The following CUL5 variants were observed in gnomAD, a reference collection of about 807,000 sequenced individuals.
The protein encoded by CUL5 is cullin 5, also known as cullin-5.
A neutral mutation model predicts 108.8 loss-of-function variants in CUL5; 26 were observed. The observed-to-expected ratio is 0.24, with a 90% confidence interval of 0.18 to 0.33. The LOEUF is 0.33. Ranked by LOEUF, CUL5 falls within the 10% of genes least tolerant of loss-of-function variation. CUL5 has a pLI of 1.00. For missense variants in CUL5, 524 were observed against 909.2 expected, an observed-to-expected ratio of 0.58 and a Z score of 5.45; for synonymous variants, 334 against 298.0, an observed-to-expected ratio of 1.12 and a Z score of -1.25.
At chr11:108,033,712 C>A in intron 1 of CUL5, 90 bp from the exon 2 acceptor site, 1 of 753,984 alleles carries the variant, frequency 1.3e-6, no homozygotes, top group Non-Finnish European at 2.2e-6. Context: ...TTGAGCCCTT[C>A]ATTTCTCTAG....
At chr11:108,015,627 G>C (rs1862165865) in intron 1 of CUL5, among the ~76,000 whole-genome samples, 1 of 152,162 alleles carries the variant, frequency 6.6e-6, no homozygotes, top group Admixed American at 6.5e-5. Context: ...AATTTCAAGG[G>C]TGTCTGTGTT....
chr11:108,045,783 C>G (rs1200394768), intron 2 of CUL5, among the ~76,000 whole-genome samples: 1 of 152,052 alleles, frequency 6.6e-6, no homozygotes, highest in Admixed American at 6.5e-5. Context: ...TCGCCTCAAC[C>G]CAGGAGGTCA....
At chr11:108,044,679 C>T (rs1450387134) in intron 2 of CUL5, among the ~76,000 whole-genome samples, 3 of 151,108 alleles carry the variant, frequency 2.0e-5, no homozygotes, top group Non-Finnish European at 4.4e-5. Context: ...TGACCCTGTC[C>T]TTTCGTTGTT....
intron 15 of CUL5, 104 bp downstream of exon 15, chr11:108,095,091 T>A: frequency 2.1e-6 from 2 of 960,382 alleles, no homozygotes; most frequent in Non-Finnish European, 3.0e-6. Context: ...CTCTCACATG[T>A]AAAAGTTTGA....
In CUL5 at chr11:108,072,407, A is replaced by G. The variant is rs1256116212; in HGVS notation, c.950A>G (p.His317Arg). 6.2e-7 allele frequency: 1 copy of G among 1,613,216 alleles called. No individual in the cohort carries two copies. Among genetic ancestry groups the G allele is most frequent in the Non-Finnish European group, 8.5e-7 (1 of 1,179,426 alleles). Residue 317 changes from histidine (H) to arginine (R), a missense_variant, in exon 9 of 19, where the codon CAT (histidine) becomes CGT (arginine). Coordinates refer to ENST00000393094, the MANE Select transcript of CUL5 (RefSeq NM_003478.6). ...IEPMLKDLEE[H>R]IISAGLADMV... ...CCAATGTTGAAAGACTTGGAGGAACATATCATTAGTGCTGGCCTGGCAGAT... is the reference window on the plus strand; with the variant it reads ...CCAATGTTGAAAGACTTGGAGGAACGTATCATTAGTGCTGGCCTGGCAGAT...
At chr11:108,075,567 G>A (rs1285779292) in intron 10 of CUL5, among the ~76,000 whole-genome samples, 1 of 152,164 alleles carries the variant, frequency 6.6e-6, no homozygotes, top group Non-Finnish European at 1.5e-5. Flanking sequence ...AGGGAAGTTC[G>A]CTGTGTCGCC....
chr11:108,034,626 GAT>G lies in CUL5; in HGVS notation c.134+716_134+717del, dbSNP rs373900479. Among the ~76,000 whole-genome samples, 14 of 152,314 alleles carry G rather than the reference GAT, an allele frequency of 9.2e-5. No individual in the cohort carries two copies. In the South Asian group the frequency reaches 2.9e-3, roughly 32 times the overall value. ...GCAGCTTGGAAAGGGAACCCTGAGA[GAT>G]TTCCTTTAGGAAAAGGGGGAAAGCT... is the stretch of plus-strand genomic sequence containing the variant. On this transcript the variant is annotated intron_variant, in intron 2 of 18. Coordinates refer to ENST00000393094, the MANE Select transcript of CUL5 (RefSeq NM_003478.6).
intron 5 of CUL5, among the ~76,000 whole-genome samples, chr11:108,053,149 G>C (rs1863278566): frequency 6.6e-6 from 1 of 152,170 alleles, no homozygotes; most frequent in South Asian, 2.1e-4. Flanking sequence ...ATGAAAAGGA[G>C]AGCATGTAGG....
chr11:108,041,835 A>G (rs1197621353), intron 2 of CUL5, among the ~76,000 whole-genome samples: 3 of 151,972 alleles, frequency 2.0e-5, no homozygotes, highest in Non-Finnish European at 4.4e-5. Context: ...CAGGTGATCC[A>G]CCTGCCTCGG....
At chr11:108,087,289 C>T (rs1026068148) in intron 11 of CUL5, among the ~76,000 whole-genome samples, 2 of 152,280 alleles carry the variant, frequency 1.3e-5, no homozygotes, top group African/African-American at 2.4e-5. Context: ...TAAAATTTTA[C>T]ATATGCATAT....
At chr11:108,010,999 AAAAAG>A (rs1444877513) in intron 1 of CUL5, among the ~76,000 whole-genome samples, 2 of 152,238 alleles carry the variant, frequency 1.3e-5, no homozygotes, top group African/African-American at 2.4e-5. Context: ...CTCTAAATGA[AAAAAG>A]AAAAGGAAAG....
intron 3 of CUL5, among the ~76,000 whole-genome samples, chr11:108,049,043 G>A (rs949458065): frequency 2.0e-5 from 3 of 152,056 alleles, no homozygotes; most frequent in Non-Finnish European, 4.4e-5. Context: ...ATGATTCAGT[G>A]GGTTGTAGTA....
intron 7 of CUL5, among the ~76,000 whole-genome samples, chr11:108,058,572 T>G (rs1310153127): frequency 6.6e-6 from 1 of 151,592 alleles, no homozygotes; most frequent in Non-Finnish European, 1.5e-5. Flanking sequence ...TTTTTTTAAA[T>G]GAAGTAAGAG....
chr11:108,050,051 C>T lies in CUL5; in HGVS notation c.396C>T (p.Asp132=). 6.2e-7 allele frequency: 1 copy of T among 1,603,560 alleles called. No individual in the cohort carries two copies. Among genetic ancestry groups the T allele is most frequent in the Non-Finnish European group, 8.5e-7 (1 of 1,175,842 alleles). Residue 132 remains aspartate (D), a synonymous_variant, in exon 4 of 19, where the codon GAC becomes GAT. Coordinates refer to ENST00000393094, the MANE Select transcript of CUL5 (RefSeq NM_003478.6). ...QGSNKKSNVE[D]SIVRKLMLDT... ...GCAATAAAAAATCAAATGTGGAAGA[C>T]AGTATTGTTCGAAAGGTAAGACTAT...
Position 108,095,667 on chromosome 11 carries a change from T to C in CUL5, c.1881T>C (p.Asp627=). The C allele has an allele frequency of 1.2e-6, 2 of 1,613,538 alleles. No individual in the cohort carries two copies. The highest frequency in any genetic ancestry group is 1.1e-5 in the South Asian group (1 of 90,900). ...TTAAGCTTGCAACTGAACTCCCTGA[T>C]GCTGAACTTAGGAGGACTTTATGGG... ...ENLKLATELP[D]AELRRTLWSL... Residue 627 remains aspartate, a synonymous_variant, in exon 16 of 19, where the codon GAT becomes GAC. Transcript: ENST00000393094.
intron 1 of CUL5, among the ~76,000 whole-genome samples, chr11:108,031,777 C>T (rs1040796938): frequency 2.6e-5 from 4 of 152,158 alleles, no homozygotes; most frequent in African/African-American, 9.7e-5. Flanking sequence ...CCCCAATGCC[C>T]ATCAATGATA....
At chr11:108,025,762 A>G (rs1057125797) in intron 1 of CUL5, among the ~76,000 whole-genome samples, 2 of 152,158 alleles carry the variant, frequency 1.3e-5, no homozygotes, top group Non-Finnish European at 2.9e-5. Flanking sequence ...CCTTCTGTAT[A>G]GATACCCAGA....
chr11:108,014,784 G>C (rs898119618), intron 1 of CUL5, among the ~76,000 whole-genome samples: 2 of 152,188 alleles, frequency 1.3e-5, no homozygotes, highest in Admixed American at 1.3e-4. Context: ...GTTGGGAAGA[G>C]AGACAATAAA....
intron 14 of CUL5, 37 bp downstream of exon 14, chr11:108,094,551 C>T (rs1227512156): frequency 4.4e-6 from 5 of 1,126,532 alleles, no homozygotes; most frequent in African/African-American, 1.6e-5. Flanking sequence ...ATTTTTTAAA[C>T]TTAGAAGAAT....
Sources: gnomAD v4.1 joint callset for allele counts (sites outside exome capture counted in the v4.1 genomes callset) on GRCh38, gnomAD v4.1.1 for gene constraint, MANE v1.5 for transcripts, NCBI Gene and HGNC (gene_info 2026-07-23, HGNC 2026-07-21) for gene names.